FOXP2: variants seen among roughly 807,000 people sequenced by gnomAD.
FOXP2 encodes the protein forkhead box protein P2.
A neutral mutation model predicts 115.8 loss-of-function variants in FOXP2; 12 were observed. That is an observed-to-expected ratio of 0.10 (90% CI 0.07 to 0.17). FOXP2 has a LOEUF of 0.17. Ranked by LOEUF, FOXP2 falls within the 10% of genes least tolerant of loss-of-function variation. The pLI is 1.00. For synonymous variants in FOXP2, 328 were observed against 297.7 expected (o/e 1.10, Z -1.05); for missense variants, 629 against 843.5 (o/e 0.75, Z 3.15).
chr7:114,655,496 A>G (rs544448259), intron 10 of FOXP2, among the ~76,000 whole-genome samples: 24 of 152,204 alleles, frequency 1.6e-4, no homozygotes, highest in Admixed American at 1.3e-3. Context: ...AAATGAAACC[A>G]CAGTTTAAAG....
At chr7:114,174,674 G>C (rs904668473) in intron 1 of FOXP2, among the ~76,000 whole-genome samples, 6 of 152,026 alleles carry the variant, frequency 3.9e-5, no homozygotes, top group Non-Finnish European at 5.9e-5. Context: ...AGAAGTGTCA[G>C]TTTTGACAAG....
intron 2 of FOXP2, among the ~76,000 whole-genome samples, chr7:114,295,256 G>A (rs1214637675): frequency 6.6e-6 from 1 of 152,106 alleles, no homozygotes; most frequent in Non-Finnish European, 1.5e-5. Flanking sequence ...CCCATATCAA[G>A]TATGAACCAG....
intron 2 of FOXP2, chr7:114,297,048 A>G: frequency 8.2e-6 from 3 of 367,440 alleles, no homozygotes; most frequent in East Asian, 7.5e-5. Flanking sequence ...TATATCCACT[A>G]TATGCATTTT....
At chr7:114,514,826 C>T (rs989706159) in intron 2 of FOXP2, among the ~76,000 whole-genome samples, 5 of 151,708 alleles carry the variant, frequency 3.3e-5, no homozygotes, top group Non-Finnish European at 7.4e-5. Context: ...ATTAACTCAT[C>T]ATTTAGCATT....
chr7:114,307,247 TTAA>T (rs1584624361), intron 2 of FOXP2, among the ~76,000 whole-genome samples: 1 of 152,020 alleles, frequency 6.6e-6, no homozygotes, highest in East Asian at 1.9e-4. Context: ...AAGGCTACTA[TTAA>T]TAGGATTTCA....
At chr7:114,401,940 G>A (rs752636919) in intron 2 of FOXP2, among the ~76,000 whole-genome samples, 3 of 152,032 alleles carry the variant, frequency 2.0e-5, no homozygotes, top group South Asian at 4.2e-4. Flanking sequence ...TGGCAAACAT[G>A]GTGAAATCCC....
intron 16 of FOXP2, among the ~76,000 whole-genome samples, chr7:114,673,891 G>A (rs1330085945): frequency 2.6e-5 from 4 of 152,034 alleles, no homozygotes; most frequent in Admixed American, 6.6e-5. Flanking sequence ...TAGTAGAGAC[G>A]GGGTTTCACC....
intron 3 of FOXP2, among the ~76,000 whole-genome samples, chr7:114,588,085 G>A (rs553069153): frequency 2.0e-4 from 31 of 151,674 alleles, no homozygotes; most frequent in Non-Finnish European, 3.2e-4. Context: ...CGAGGTGAGC[G>A]GATCACGAGG....
At chr7:114,283,461 A>G (rs1796387723) in intron 1 of FOXP2, among the ~76,000 whole-genome samples, 1 of 152,154 alleles carries the variant, frequency 6.6e-6, no homozygotes, top group Non-Finnish European at 1.5e-5. Context: ...CACTTGTTTT[A>G]TCCTTAAGCT....
chr7:114,133,044 C>T (rs2129145666), intron 1 of FOXP2, among the ~76,000 whole-genome samples: 1 of 152,162 alleles, frequency 6.6e-6, no homozygotes, highest in Non-Finnish European at 1.5e-5. Flanking sequence ...TTGCAAGAAT[C>T]CAAATAGCAG....
At chr7:114,454,953 G>C (rs1444985934) in intron 2 of FOXP2, among the ~76,000 whole-genome samples, 1 of 146,216 alleles carries the variant, frequency 6.8e-6, no homozygotes, top group African/African-American at 2.6e-5. Context: ...GCACCAGCAT[G>C]GCACATGTAT....
chr7:114,340,077 CA>C, intron 2 of FOXP2, among the ~76,000 whole-genome samples: 2 of 150,414 alleles, frequency 1.3e-5, no homozygotes, highest in African/African-American at 2.4e-5. Context: ...TCAATTCAGT[CA>C]AAAAAAACCT....
chr7:114,412,022 G>C (rs893403785), upstream of FOXP2, among the ~76,000 whole-genome samples: 2 of 152,052 alleles, frequency 1.3e-5, no homozygotes, highest in African/African-American at 4.8e-5. Flanking sequence ...AGGTGTCATA[G>C]TACAAAATTA....
intron 13 of FOXP2, chr7:114,661,817 G>A (rs1585004970): frequency 4.5e-6 from 2 of 448,508 alleles, no homozygotes; most frequent in East Asian, 9.3e-5. Flanking sequence ...CCAGTTCAAT[G>A]AAAGGAAGGT....
intron 1 of FOXP2, among the ~76,000 whole-genome samples, chr7:114,097,225 A>G (rs1348833372): frequency 2.0e-5 from 3 of 152,232 alleles, no homozygotes; most frequent in Non-Finnish European, 4.4e-5. Flanking sequence ...AATCACTACC[A>G]CACTTAATAT....
chr7:114,430,843 A>T (rs1197107135), intron 2 of FOXP2, among the ~76,000 whole-genome samples: 1 of 151,914 alleles, frequency 6.6e-6, no homozygotes, highest in Admixed American at 6.6e-5. Context: ...AGCATCTACC[A>T]AAATACTAGG....
chr7:114,339,743 C>T (rs931677866), intron 2 of FOXP2, among the ~76,000 whole-genome samples: 3 of 151,118 alleles, frequency 2.0e-5, no homozygotes, highest in East Asian at 3.9e-4. Flanking sequence ...ACTGTATTTA[C>T]AAATCCCTGT....
rs577929895 is a variant in FOXP2, at chr7:114,105,925, A to G, written c.-247+18087A>G. Among the ~76,000 whole-genome samples, 14 of 152,098 alleles carry G rather than the reference A, an allele frequency of 9.2e-5. No individual in the cohort carries two copies. In the South Asian group the frequency reaches 2.1e-3, roughly 23 times the overall value. ...CTCTGTATATTTCACACTACTTCTC[A>G]TGAATTGAGAATCTGAGTCTTCAGA... On this transcript the variant is annotated intron_variant, in intron 1 of 19. Transcript: ENST00000635638.
chr7:114,491,595 G>T (rs192320319), intron 2 of FOXP2, among the ~76,000 whole-genome samples: 3,549 of 152,148 alleles, frequency 0.023, 138 homozygotes, highest in African/African-American at 0.08. Flanking sequence ...TCTATGTCCT[G>T]AATGGTATTG....
Sources: gnomAD v4.1 joint callset for allele counts (sites outside exome capture counted in the v4.1 genomes callset) on GRCh38, gnomAD v4.1.1 for gene constraint, MANE v1.5 for transcripts, NCBI Gene and HGNC (gene_info 2026-07-23, HGNC 2026-07-21) for gene names.